The following CCDC191 variants were observed in gnomAD, a reference collection of about 807,000 sequenced individuals.
The protein encoded by CCDC191 is coiled-coil domain-containing protein 191.
A neutral mutation model predicts 114.0 loss-of-function variants in CCDC191; 99 were observed. That is an observed-to-expected ratio of 0.87 (90% CI 0.74 to 1.03). The LOEUF is 1.03. CCDC191 is among the 50% of genes least tolerant of loss of function. CCDC191 has a pLI of 0.00. For missense variants in CCDC191, 973 were observed against 1,087.0 expected (o/e 0.90, Z 1.47); for synonymous variants, 351 against 376.0 (o/e 0.93, Z 0.77).
At chr3:114,017,121 T>TA (rs1341263038) in intron 8 of CCDC191, among the ~76,000 whole-genome samples, 1 of 150,976 alleles carries the variant, frequency 6.6e-6, no homozygotes, top group Admixed American at 6.6e-5. Context: ...TTTTTTTTTT[T>TA]AACCAAAGAC....
chr3:114,053,246 T>G (rs1407196034), intron 2 of CCDC191, among the ~76,000 whole-genome samples: 1 of 152,224 alleles, frequency 6.6e-6, no homozygotes, highest in Non-Finnish European at 1.5e-5. Context: ...CATTAGTCCC[T>G]AGGTCATTGT....
Position 113,973,875 on chromosome 3 carries a change from C to T in CCDC191, c.2606+4311G>A, listed in dbSNP as rs1004106102. On this transcript the variant is annotated intron_variant, in intron 16 of 16. Coordinates refer to ENST00000295878, the MANE Select transcript of CCDC191 (RefSeq NM_020817.2). ...TTTATTTCTTTGGATAAGCTTTCTA[C>T]CCCTTGTTCTCATTCAAGTCCCCCT... Among the ~76,000 whole-genome samples the T allele has an allele frequency of 2.6e-5, 4 of 151,470 alleles. No individual in the cohort carries two copies. The East Asian group carries it at 5.8e-4, about 22-fold the overall frequency.
At chr3:114,020,231 T>C (rs1317357198) in intron 7 of CCDC191, among the ~76,000 whole-genome samples, 1 of 152,196 alleles carries the variant, frequency 6.6e-6, no homozygotes, top group African/African-American at 2.4e-5. Context: ...AATTGTTTGA[T>C]ATGACCTCTA....
chr3:113,986,174 ATGGTAATAGAGATAAAGAGGCAC>A (rs1179065984), intron 13 of CCDC191, among the ~76,000 whole-genome samples: 1 of 152,252 alleles, frequency 6.6e-6, no homozygotes, highest in Non-Finnish European at 1.5e-5. Context: ...AAAAAAACAC[ATGGTAATAGAGATAAAGAGGCAC>A]TTCAACTAGC....
intron 13 of CCDC191, among the ~76,000 whole-genome samples, chr3:113,996,250 A>T (rs907840234): frequency 6.6e-6 from 1 of 152,140 alleles, no homozygotes; most frequent in African/African-American, 2.4e-5. Flanking sequence ...TGGGTTTTAC[A>T]TTTAAATCTT....
intron 13 of CCDC191, among the ~76,000 whole-genome samples, chr3:113,988,842 G>A (rs1434622897): frequency 6.6e-6 from 1 of 151,796 alleles, no homozygotes; most frequent in Non-Finnish European, 1.5e-5. Context: ...CACCGAGGCT[G>A]GAGTGCAGCA....
chr3:114,047,294 T>A (rs2076643079), intron 2 of CCDC191: 1 of 193,236 alleles, frequency 5.2e-6, no homozygotes, highest in Admixed American at 6.5e-5. Flanking sequence ...TGACCAAATT[T>A]GCAGGATTGG....
intron 16 of CCDC191, among the ~76,000 whole-genome samples, chr3:113,965,563 T>A (rs1186007233): frequency 6.6e-6 from 1 of 152,062 alleles, no homozygotes; most frequent in Non-Finnish European, 1.5e-5. Context: ...ACTGATTGAT[T>A]GATAGGTTAT....
intron 16 of CCDC191, among the ~76,000 whole-genome samples, chr3:113,977,774 A>G (rs532478081): frequency 2.6e-5 from 4 of 152,336 alleles, no homozygotes; most frequent in Admixed American, 2.6e-4. Flanking sequence ...TCATTCGTTA[A>G]GCTGTATTTG....
Position 114,005,702 on chromosome 3 carries a change from G to C in CCDC191, c.1674C>G (p.Phe558Leu). Residue 558 changes from phenylalanine to leucine, a missense_variant, in exon 10 of 17, where the codon TTC becomes TTG. Coordinates refer to ENST00000295878, the MANE Select transcript of CCDC191 (RefSeq NM_020817.2). ...CLGHFHNRHVFQQQLIEKQKK... is the reference protein window; with the variant it reads ...CLGHFHNRHVLQQQLIEKQKK... The stretch of plus-strand genomic sequence containing the variant: ...TTTGCTTCTCAATCAGCTGTTGCTG[G>C]AAGACATGGCGGTTGTGGAAATGAC... The C allele has an allele frequency of 6.2e-7, 1 of 1,614,100 alleles. No individual in the cohort carries two copies. The highest frequency in any genetic ancestry group is 1.3e-5 in the African/African-American group (1 of 75,008).
At chr3:114,052,826 T>A (rs1325159358) in intron 2 of CCDC191, among the ~76,000 whole-genome samples, 1 of 152,188 alleles carries the variant, frequency 6.6e-6, no homozygotes, top group Non-Finnish European at 1.5e-5. Flanking sequence ...GCATGTCAAT[T>A]TAGATGAGTA....
intron 2 of CCDC191, among the ~76,000 whole-genome samples, chr3:114,053,061 C>T (rs916105451): frequency 6.6e-6 from 1 of 152,188 alleles, no homozygotes; most frequent in African/African-American, 2.4e-5. Context: ...ACACAATCTC[C>T]CCTTCACTGA....
intron 13 of CCDC191, among the ~76,000 whole-genome samples, chr3:114,001,211 CT>C (rs2075849533): frequency 6.6e-6 from 1 of 152,192 alleles, no homozygotes; most frequent in Non-Finnish European, 1.5e-5. Context: ...CAACATCAGA[CT>C]GTTCCCTTAA....
rs1559906903 is a variant in CCDC191 at position 114,010,778 on chromosome 3, A to G, written c.1407T>C (p.Asn469=). ...ATAMVGPPVK[N]GQETAVPPLW... ...AGCAGGAAAAACAACGTACCTGTCCATTTTTTACTGGTGGACCCACCATGG... is the reference window on the plus strand; with the variant it reads ...AGCAGGAAAAACAACGTACCTGTCCGTTTTTTACTGGTGGACCCACCATGG... Residue 469 remains asparagine (N), a synonymous_variant, in exon 9 of 17, where the codon AAT becomes AAC. Coordinates refer to ENST00000295878, the MANE Select transcript of CCDC191 (RefSeq NM_020817.2). The G allele has an allele frequency of 6.2e-7, 1 of 1,606,364 alleles. No homozygotes were observed.
intron 2 of CCDC191, among the ~76,000 whole-genome samples, chr3:114,049,545 T>C (rs2076674281): frequency 6.6e-6 from 1 of 152,172 alleles, no homozygotes; most frequent in African/African-American, 2.4e-5. Context: ...TTATGTGTCA[T>C]CCTACCTGAG....
chr3:113,972,698 A>C (rs771926648), intron 16 of CCDC191, among the ~76,000 whole-genome samples: 1 of 152,016 alleles, frequency 6.6e-6, no homozygotes, highest in Non-Finnish European at 1.5e-5. Flanking sequence ...TATTGCAGTT[A>C]TCTCTCCCTT....
At chr3:114,012,965 G>A (rs867921670) in intron 8 of CCDC191, among the ~76,000 whole-genome samples, 4 of 152,186 alleles carry the variant, frequency 2.6e-5, no homozygotes, top group African/African-American at 9.7e-5. Context: ...TGAAAATGTA[G>A]TTGGCCAGGC....
At position 114,016,443 on chromosome 3, in the gene CCDC191, C is replaced by T. The variant is rs368001625; in HGVS notation, c.1163+2235G>A. Reference sequence around the variant, plus strand: ...CCTTGAGTCATTTACTGTCTCTGGGCCTTACTTTTATCATCTGTAAAATGA... The same window carrying T: ...CCTTGAGTCATTTACTGTCTCTGGGTCTTACTTTTATCATCTGTAAAATGA... On this transcript the variant is annotated intron_variant, in intron 8 of 16. Transcript: ENST00000295878. Among the ~76,000 whole-genome samples, 18 of 152,256 alleles carry T rather than the reference C, an allele frequency of 1.2e-4. No homozygotes were observed. In the East Asian group the frequency reaches 2.1e-3, roughly 18 times the overall value.
intron 13 of CCDC191, 95 bp from the exon 14 acceptor site, chr3:113,980,888 T>G: frequency 3.6e-6 from 4 of 1,123,982 alleles, no homozygotes; most frequent in Non-Finnish European, 5.2e-6. Flanking sequence ...CATGTAACCA[T>G]TGAATGGTGT....
Sources: gnomAD v4.1 joint callset for allele counts (sites outside exome capture counted in the v4.1 genomes callset) on GRCh38, gnomAD v4.1.1 for gene constraint, MANE v1.5 for transcripts, NCBI Gene and HGNC (gene_info 2026-07-23, HGNC 2026-07-21) for gene names.